Variants in HTR4 observed in about 807,000 individuals in gnomAD.
HTR4 encodes the protein 5-hydroxytryptamine receptor 4.
A neutral mutation model predicts 36.8 loss-of-function variants in HTR4; 16 were observed. That is an observed-to-expected ratio of 0.43 (90% CI 0.29 to 0.66). The LOEUF (loss-of-function observed/expected upper bound fraction) is 0.66, where lower values mean the gene tolerates loss of function less well. HTR4 is among the 30% of genes least tolerant of loss of function. The pLI is 0.13. For synonymous variants in HTR4, 189 were observed against 185.1 expected, an observed-to-expected ratio of 1.02 and a Z score of -0.17; for missense variants, 438 against 490.9, an observed-to-expected ratio of 0.89 and a Z score of 1.02.
intron 2 of HTR4, among the ~76,000 whole-genome samples, chr5:148,578,806 T>C (rs1361539171): frequency 1.3e-5 from 2 of 152,086 alleles, no homozygotes; most frequent in African/African-American, 2.4e-5. Context: ...GGCTGGAACA[T>C]AGTAAGGCCT....
At chr5:148,551,366 T>C (rs750659638) in intron 2 of HTR4, among the ~76,000 whole-genome samples, 10 of 152,208 alleles carry the variant, frequency 6.6e-5, no homozygotes, top group Non-Finnish European at 1.5e-4. Flanking sequence ...GTGGCTCCTT[T>C]CACCACCCTG....
intron 6 of HTR4, among the ~76,000 whole-genome samples, chr5:148,487,184 A>C (rs552113041): frequency 2.6e-5 from 4 of 152,320 alleles, no homozygotes; most frequent in Non-Finnish European, 4.4e-5. Flanking sequence ...GGAAGAGGAA[A>C]GTGTAATGTA....
intron 1 of HTR4, among the ~76,000 whole-genome samples, chr5:148,648,317 TAG>T (rs112293434): frequency 0.018 from 2,708 of 152,218 alleles, 86 homozygotes; most frequent in African/African-American, 0.062. Flanking sequence ...ATCTGTGAGT[TAG>T]AGTCGTGCTA....
chr5:148,536,522 A>C (rs1758831996), intron 4 of HTR4, among the ~76,000 whole-genome samples: 1 of 152,090 alleles, frequency 6.6e-6, no homozygotes, highest in African/African-American at 2.4e-5. Flanking sequence ...ATACCCATAG[A>C]CTTAAAATAA....
chr5:148,607,600 G>T (rs538406934), intron 2 of HTR4, among the ~76,000 whole-genome samples: 1 of 152,286 alleles, frequency 6.6e-6, no homozygotes, highest in South Asian at 2.1e-4. Flanking sequence ...TGGGCACCAT[G>T]TGCCTCCAGA....
At chr5:148,626,380 G>C (rs906922611) in intron 2 of HTR4, among the ~76,000 whole-genome samples, 5 of 152,136 alleles carry the variant, frequency 3.3e-5, no homozygotes, top group African/African-American at 1.2e-4. Flanking sequence ...TTGTCTAAAA[G>C]TCACACTAAC....
chr5:148,519,082 A>C (rs763250111), intron 5 of HTR4, among the ~76,000 whole-genome samples: 4 of 152,176 alleles, frequency 2.6e-5, no homozygotes, highest in Non-Finnish European at 5.9e-5. Context: ...TGAATGAATA[A>C]ATAAATAAAT....
intron 5 of HTR4, chr5:148,521,028 C>T (rs1757989033): frequency 7.3e-7 from 1 of 1,364,330 alleles, no homozygotes; most frequent in Non-Finnish European, 9.8e-7. Context: ...GGGCAGCTCC[C>T]TGTCTTGAGG....
intron 4 of HTR4, among the ~76,000 whole-genome samples, chr5:148,533,925 A>T (rs1253777043): frequency 6.6e-6 from 1 of 152,202 alleles, no homozygotes; most frequent in Non-Finnish European, 1.5e-5. Context: ...TGAGCTCTAC[A>T]TTATTTAACA....
intron 5 of HTR4, among the ~76,000 whole-genome samples, chr5:148,455,912 G>A (rs931646589): frequency 2.6e-5 from 4 of 152,196 alleles, no homozygotes; most frequent in Admixed American, 1.3e-4. Context: ...TCTTCACACT[G>A]AGGAGGCTGA....
chr5:148,602,840 A>C (rs1040627579), intron 2 of HTR4, among the ~76,000 whole-genome samples: 2 of 152,148 alleles, frequency 1.3e-5, no homozygotes, highest in African/African-American at 2.4e-5. Flanking sequence ...ACATCACAAA[A>C]GTAATAAACA....
rs114540379 is a variant in HTR4 at position 148,510,727 on chromosome 5, G to A, written c.508-703C>T. ...CTTAGCTCTTTGGGGGATGCCATGG[G>A]GCACTTTTCTAGAGTCATTTCTCTA... On this transcript the variant is annotated intron_variant, in intron 5 of 6. Transcript: ENST00000377888. 8.3e-3 allele frequency among the ~76,000 whole-genome samples: 1,259 copies of A among 152,290 alleles called. 14 individuals carry two copies. The highest frequency in any genetic ancestry group is 0.029 in the African/African-American group (1,211 of 41,544).
At chr5:148,602,511 G>T (rs949865042) in intron 2 of HTR4, among the ~76,000 whole-genome samples, 1 of 152,038 alleles carries the variant, frequency 6.6e-6, no homozygotes, top group Non-Finnish European at 1.5e-5. Context: ...AACCTTAAAT[G>T]TATACGTTAT....
intron 5 of HTR4, among the ~76,000 whole-genome samples, chr5:148,464,097 A>C (rs369410190): frequency 5.9e-5 from 9 of 152,006 alleles, no homozygotes; most frequent in African/African-American, 2.2e-4. Context: ...ATTAACTCAA[A>C]ATGCATCATA....
chr5:148,483,848 T>C (rs1000084690), intron 6 of HTR4, among the ~76,000 whole-genome samples: 1 of 152,194 alleles, frequency 6.6e-6, no homozygotes, highest in Admixed American at 6.5e-5. Flanking sequence ...TGGCGTATAT[T>C]GAGCTTGCTG....
intron 1 of HTR4, among the ~76,000 whole-genome samples, chr5:148,648,433 A>G (rs1180274768): frequency 6.6e-6 from 1 of 152,208 alleles, no homozygotes; most frequent in Non-Finnish European, 1.5e-5. Flanking sequence ...GAAGCATCAG[A>G]GTCCAAGAGA....
At chr5:148,532,352 G>T (rs1203220022) in intron 4 of HTR4, among the ~76,000 whole-genome samples, 3 of 152,214 alleles carry the variant, frequency 2.0e-5, no homozygotes, top group Admixed American at 6.5e-5. Context: ...AGCAATGTTT[G>T]CCTTGTTCTG....
chr5:148,521,055 T>A, intron 5 of HTR4: 2 of 1,342,718 alleles, frequency 1.5e-6, no homozygotes, highest in Non-Finnish European at 2.0e-6. Flanking sequence ...TTGCTCTTAA[T>A]CTCTCCTCTC....
At chr5:148,635,512 G>A (rs901972907) in intron 2 of HTR4, among the ~76,000 whole-genome samples, 1 of 152,110 alleles carries the variant, frequency 6.6e-6, no homozygotes, top group Non-Finnish European at 1.5e-5. Context: ...AATGGCTAAT[G>A]TCCATTTAAT....
Sources: allele counts gnomAD v4.1 joint callset (sites outside exome capture counted in the v4.1 genomes callset), GRCh38; gene constraint gnomAD v4.1.1; transcripts MANE v1.5; gene names NCBI Gene and HGNC (gene_info 2026-07-23, HGNC 2026-07-21).